The following MYOT variants were observed in gnomAD, a reference collection of about 807,000 sequenced individuals.
The protein encoded by MYOT is myotilin.
A neutral mutation model predicts 58.0 loss-of-function variants in MYOT; 36 were observed. The observed-to-expected ratio is 0.62, with a 90% CI of 0.48 to 0.82. The LOEUF is 0.82. MYOT is among the 40% of genes least tolerant of loss of function. The probability of loss-of-function intolerance (pLI) is 0.00; values close to 1 mark genes in which losing one functional copy is unlikely to be tolerated. For synonymous variants in MYOT, 218 were observed against 204.6 expected (o/e 1.07, Z -0.56); for missense variants, 505 against 592.1 (o/e 0.85, Z 1.53).
At chr5:137,868,811 CT>C (rs927839794) in intron 1 of MYOT, among the ~76,000 whole-genome samples, 2 of 151,272 alleles carry the variant, frequency 1.3e-5, no homozygotes, top group Non-Finnish European at 3.0e-5. Flanking sequence ...TTGAAATAGA[CT>C]TTTTTTTTAG....
intron 6 of MYOT, among the ~76,000 whole-genome samples, chr5:137,882,309 C>T (rs1755462027): frequency 6.6e-6 from 1 of 152,228 alleles, no homozygotes; most frequent in Non-Finnish European, 1.5e-5. Flanking sequence ...TTTAACCTCT[C>T]TGTGCTTTTG....
rs761034856 is a variant in MYOT at position 137,887,253 on chromosome 5, G to A, written c.1365G>A (p.Arg455=). ...CTCTTCCAGCTCCTAAGCAGTTACGGGTTCGACCAACATTCAGCAAATATT... is the reference window on the plus strand; with the variant it reads ...CTCTTCCAGCTCCTAAGCAGTTACGAGTTCGACCAACATTCAGCAAATATT... ...NQTLPAPKQL[R]VRPTFSKYLA... is the part of the protein sequence containing the mutation. Residue 455 remains arginine (R), a synonymous_variant, in exon 10 of 10, where the codon CGG becomes CGA. Coordinates refer to ENST00000239926, the MANE Select transcript of MYOT (RefSeq NM_006790.3). The A allele has an allele frequency of 2.5e-6, 4 of 1,613,964 alleles. No homozygotes were observed. The highest frequency in any genetic ancestry group is 3.4e-6 in the Non-Finnish European group (4 of 1,179,972).
chr5:137,879,953 T>C (rs929513804), intron 4 of MYOT, among the ~76,000 whole-genome samples: 2 of 152,160 alleles, frequency 1.3e-5, no homozygotes, highest in Non-Finnish European at 2.9e-5. Context: ...TAGCCAAAAA[T>C]TGTTACAGAG....
chr5:137,876,112 GATTATCTAAAAA>G, intron 3 of MYOT, 109 bp downstream of exon 3: 1 of 1,163,630 alleles, frequency 8.6e-7, no homozygotes, highest in Non-Finnish European at 1.2e-6. Flanking sequence ...CAAGGAATAA[GATTATCTAAAAA>G]GAAGGAATAT....
chr5:137,885,771 C>CAAAAAAAAAAAA (rs71583286), intron 7 of MYOT, among the ~76,000 whole-genome samples: 7 of 30,974 alleles, frequency 2.3e-4, no homozygotes, highest in Admixed American at 5.5e-4. Context: ...GACTCTGTCT[C>CAAAAAAAAAAAA]AAAAAAAAAA....
intron 4 of MYOT, among the ~76,000 whole-genome samples, chr5:137,879,124 G>A (rs576625533): frequency 7.2e-5 from 11 of 152,026 alleles, no homozygotes; most frequent in African/African-American, 1.4e-4. Context: ...TAGCAGAGAC[G>A]GTGATTTCAC....
In MYOT at chr5:137,870,843, G is replaced by A. The variant is rs1165508475; in HGVS notation, c.192G>A (p.Met64Ile). 1 of 1,613,990 alleles carries A rather than the reference G, an allele frequency of 6.2e-7. No homozygotes were observed. Among genetic ancestry groups the A allele is most frequent in the Admixed American group, 1.7e-5 (1 of 59,990 alleles). ...CAACACTGAGCTCTCACATCACCAT[G>A]TCCTCCTCTGCTTTCCCTGCTTCTC... is the stretch of plus-strand genomic sequence containing the variant. ...ASSTLSSHITMSSSAFPASPQ... is the reference protein window; with the variant it reads ...ASSTLSSHITISSSAFPASPQ... Residue 64 changes from methionine to isoleucine, a missense_variant, in exon 2 of 10, where the codon ATG (methionine) becomes ATA (isoleucine). By Grantham distance (10) the Met-to-Ile change is conservative. Coordinates refer to ENST00000239926, the MANE Select transcript of MYOT (RefSeq NM_006790.3).
intron 2 of MYOT, 97 bp from the exon 3 acceptor site, chr5:137,875,732 A>G (rs1755190867): frequency 2.0e-6 from 2 of 1,021,760 alleles, no homozygotes; most frequent in Admixed American, 2.0e-5. Context: ...TAATAATACT[A>G]GTAGTACTAA....
Position 137,870,575 on chromosome 5 carries a change from A to G in MYOT, c.-77A>G. The G allele has an allele frequency of 7.4e-7, 1 of 1,354,454 alleles. No homozygotes were observed. 83.9% of individuals were successfully genotyped at this position (1,354,454 alleles called of 1,614,324 possible). ...TCCGTAATTCCAGGCTTGTGGCCCC[A>G]AATTCAGGGCCCCACCCTTCCAGGA... On this transcript the variant is annotated 5_prime_UTR_variant, in exon 2 of 10. Transcript: ENST00000239926.
intron 4 of MYOT, among the ~76,000 whole-genome samples, chr5:137,878,637 A>G (rs1755312004): frequency 1.3e-5 from 2 of 151,982 alleles, no homozygotes; most frequent in African/African-American, 2.4e-5. Flanking sequence ...ATGCTGGCCA[A>G]AATGGTGAAA....
chr5:137,871,796 C>T (rs1345471182), intron 2 of MYOT, among the ~76,000 whole-genome samples: 1 of 152,146 alleles, frequency 6.6e-6, no homozygotes, highest in Non-Finnish European at 1.5e-5. Context: ...TTTTTTAAAA[C>T]ATGAACTGAA....
intron 8 of MYOT, 134 bp from the exon 9 acceptor site, chr5:137,886,730 G>A (rs1248525893): frequency 5.5e-6 from 4 of 726,656 alleles, no homozygotes; most frequent in South Asian, 3.2e-5. Context: ...AAAACCAATA[G>A]CTATTTGGCA....
At chr5:137,879,264 G>A (rs904730392) in intron 4 of MYOT, among the ~76,000 whole-genome samples, 1 of 151,942 alleles carries the variant, frequency 6.6e-6, no homozygotes, top group African/African-American at 2.4e-5. Context: ...GGTTCTGTTT[G>A]ATGCAACTAC....
chr5:137,875,347 G>A (rs1755175972), intron 2 of MYOT, among the ~76,000 whole-genome samples: 1 of 152,144 alleles, frequency 6.6e-6, no homozygotes, highest in African/African-American at 2.4e-5. Flanking sequence ...CCCGAAAGCA[G>A]GGAAAGAGGT....
Position 137,882,028 on chromosome 5 carries a change from T to C in MYOT, c.739T>C (p.Phe247Leu). 1 of 1,614,018 alleles carries C rather than the reference T, an allele frequency of 6.2e-7. No homozygotes were observed. Among genetic ancestry groups the C allele is most frequent in the Non-Finnish European group, 8.5e-7 (1 of 1,179,920 alleles). Reference sequence around the variant, plus strand: ...TGATCAGGATGCAATCCAGGAGAAATTTTACCCACCACGTTTCATTCAAGT... The same window carrying C: ...TGATCAGGATGCAATCCAGGAGAAACTTTACCCACCACGTTTCATTCAAGT... ...VNDQDAIQEK[F>L]YPPRFIQVPE... Residue 247 changes from phenylalanine to leucine, a missense_variant, in exon 6 of 10, where the codon TTT becomes CTT. Physicochemically the swap from Phe to Leu is conservative, Grantham distance 22. Coordinates refer to ENST00000239926, the MANE Select transcript of MYOT (RefSeq NM_006790.3).
intron 8 of MYOT, 140 bp downstream of exon 8, chr5:137,886,353 T>A (rs984196797): frequency 2.4e-6 from 1 of 411,966 alleles, no homozygotes. Flanking sequence ...ATAAAATATA[T>A]ATTAGATAAA....
In MYOT at chr5:137,883,395, G is replaced by C. The variant is rs1580864023; in HGVS notation, c.828G>C (p.Leu276=). 6.2e-7 allele frequency: 1 copy of C among 1,614,012 alleles called. No homozygotes were observed. Among genetic ancestry groups the C allele is most frequent in the East Asian group, 2.2e-5 (1 of 44,880 alleles). Residue 276 remains leucine (L), a synonymous_variant, in exon 7 of 10, where the codon CTG becomes CTC. Transcript: ENST00000239926. The part of the protein sequence containing the change: ...FCRMDFKVSG[L]PAPDVSWYLN... ...GTTTTTCTTTCTAGGTGAGTGGACT[G>C]CCAGCTCCTGATGTGTCATGGTATC...
chr5:137,884,715 T>C (rs1755540896), intron 7 of MYOT, among the ~76,000 whole-genome samples: 1 of 149,058 alleles, frequency 6.7e-6, no homozygotes, highest in Non-Finnish European at 1.5e-5. Context: ...TATTCTAAAA[T>C]AAAAAAAAAA....
chr5:137,881,305 C>T (rs1755421923), intron 5 of MYOT, among the ~76,000 whole-genome samples: 1 of 152,184 alleles, frequency 6.6e-6, no homozygotes, highest in African/African-American at 2.4e-5. Flanking sequence ...CAGGTAAATA[C>T]AGCCCTAAGG....
Sources: gnomAD v4.1 joint callset for allele counts (sites outside exome capture counted in the v4.1 genomes callset) on GRCh38, gnomAD v4.1.1 for gene constraint, MANE v1.5 for transcripts, NCBI Gene and HGNC (gene_info 2026-07-23, HGNC 2026-07-21) for gene names.